TMEM132B: variants seen among roughly 807,000 people sequenced by gnomAD.
TMEM132B encodes the protein transmembrane protein 132B.
TMEM132B carries 18 observed loss-of-function variants against 90.8 expected under a neutral mutation model. The observed-to-expected ratio is 0.20, with a 90% CI of 0.14 to 0.29. The LOEUF is 0.29. TMEM132B is among the 10% of genes least tolerant of loss of function. The pLI, the probability that TMEM132B is intolerant of heterozygous loss-of-function variation, is 1.00. For synonymous variants in TMEM132B, 504 were observed against 523.3 expected, an observed-to-expected ratio of 0.96 and a Z score of 0.50; for missense variants, 1,096 against 1,326.8, an observed-to-expected ratio of 0.83 and a Z score of 2.70.
At chr12:125,389,532 A>C (rs1228910999) in intron 2 of TMEM132B, among the ~76,000 whole-genome samples, 1 of 152,132 alleles carries the variant, frequency 6.6e-6, no homozygotes, top group Non-Finnish European at 1.5e-5. Context: ...GATCTTGGGA[A>C]AATTACCTAA....
chr12:125,468,580 G>A (rs1881631475), intron 3 of TMEM132B, among the ~76,000 whole-genome samples: 1 of 152,098 alleles, frequency 6.6e-6, no homozygotes, highest in East Asian at 1.9e-4. Flanking sequence ...AATACGTGAG[G>A]GCTTATTTCT....
intron 1 of TMEM132B, among the ~76,000 whole-genome samples, chr12:125,322,136 C>T (rs548710293): frequency 5.9e-4 from 90 of 152,314 alleles, no homozygotes; most frequent in African/African-American, 2.0e-3. Context: ...CCCCACGTGT[C>T]GTGGGAGGGA....
intron 4 of TMEM132B, among the ~76,000 whole-genome samples, chr12:125,574,366 T>C (rs1364345752): frequency 6.6e-6 from 1 of 152,194 alleles, no homozygotes; most frequent in Non-Finnish European, 1.5e-5. Context: ...TGTTCTCTTT[T>C]GCCTTTGTAT....
At chr12:125,591,675 C>G (rs1476528254) in intron 5 of TMEM132B, among the ~76,000 whole-genome samples, 1 of 152,148 alleles carries the variant, frequency 6.6e-6, no homozygotes, top group African/African-American at 2.4e-5. Flanking sequence ...GACTCCAGTC[C>G]CTCTAAAGGC....
intron 3 of TMEM132B, among the ~76,000 whole-genome samples, chr12:125,503,320 A>G (rs560445585): frequency 6.6e-6 from 1 of 152,276 alleles, no homozygotes; most frequent in Admixed American, 6.5e-5. Flanking sequence ...AAGGTCAGTT[A>G]GCCTGATGGC....
At chr12:125,517,051 A>G (rs1235047344) in intron 3 of TMEM132B, among the ~76,000 whole-genome samples, 4 of 152,200 alleles carry the variant, frequency 2.6e-5, no homozygotes, top group Non-Finnish European at 4.4e-5. Context: ...GCCTTTCACT[A>G]AAGATACCCA....
intron 2 of TMEM132B, among the ~76,000 whole-genome samples, chr12:125,401,250 G>T (rs1177350376): frequency 6.6e-6 from 1 of 152,134 alleles, no homozygotes; most frequent in Admixed American, 6.6e-5. Flanking sequence ...CCTCCCATTT[G>T]CCAGGCATGG....
At chr12:125,199,260 A>G (rs1379793045) in intron 1 of TMEM132B, among the ~76,000 whole-genome samples, 1 of 152,218 alleles carries the variant, frequency 6.6e-6, no homozygotes, top group African/African-American at 2.4e-5. Context: ...ACTGACCTCA[A>G]TGAGGGAATG....
At chr12:125,493,642 C>G (rs1423456743) in intron 3 of TMEM132B, among the ~76,000 whole-genome samples, 1 of 152,100 alleles carries the variant, frequency 6.6e-6, no homozygotes, top group Non-Finnish European at 1.5e-5. Flanking sequence ...TCTGGCTGGG[C>G]GCTGCCAGTG....
chr12:125,276,992 G>A (rs1344037254), intron 1 of TMEM132B, among the ~76,000 whole-genome samples: 2 of 152,188 alleles, frequency 1.3e-5, no homozygotes, highest in Non-Finnish European at 1.5e-5. Flanking sequence ...TAGAGGTTGC[G>A]AGTCAGAAGG....
chr12:125,496,871 A>G (rs1882575858), intron 3 of TMEM132B, among the ~76,000 whole-genome samples: 1 of 152,162 alleles, frequency 6.6e-6, no homozygotes, highest in Non-Finnish European at 1.5e-5. Context: ...GAACGGTATC[A>G]TTGATTAGGT....
chr12:125,632,509 T>C (rs1235733226), intron 5 of TMEM132B, among the ~76,000 whole-genome samples: 1 of 152,200 alleles, frequency 6.6e-6, no homozygotes, highest in Admixed American at 6.5e-5. Context: ...GGTGATTACT[T>C]ATTGCTCATT....
intron 4 of TMEM132B, among the ~76,000 whole-genome samples, chr12:125,546,543 C>T (rs1884099120): frequency 6.6e-6 from 1 of 152,182 alleles, no homozygotes; most frequent in Non-Finnish European, 1.5e-5. Flanking sequence ...TAAATGGAAT[C>T]ATATTGTATG....
At chr12:125,562,146 A>G (rs745906074) in intron 4 of TMEM132B, among the ~76,000 whole-genome samples, 1 of 152,242 alleles carries the variant, frequency 6.6e-6, no homozygotes, top group Non-Finnish European at 1.5e-5. Flanking sequence ...TTTATGTTAC[A>G]AAGACAGTTT....
At chr12:125,435,785 G>A (rs1054731278) in intron 3 of TMEM132B, among the ~76,000 whole-genome samples, 2 of 152,162 alleles carry the variant, frequency 1.3e-5, no homozygotes, top group Non-Finnish European at 2.9e-5. Flanking sequence ...GTGAAGAGGT[G>A]CTGGACTGGA....
At chr12:125,598,362 A>G (rs1056423386) in intron 5 of TMEM132B, among the ~76,000 whole-genome samples, 1 of 152,202 alleles carries the variant, frequency 6.6e-6, no homozygotes, top group African/African-American at 2.4e-5. Flanking sequence ...TGAAAAATTA[A>G]CCTGCCCCAA....
intron 1 of TMEM132B, among the ~76,000 whole-genome samples, chr12:125,309,464 C>G (rs1052028722): frequency 6.6e-6 from 1 of 152,046 alleles, no homozygotes; most frequent in African/African-American, 2.4e-5. Flanking sequence ...ATCTGATGTT[C>G]TCATTCATTT....
chr12:125,503,468 C>T (rs1415849524), intron 3 of TMEM132B, among the ~76,000 whole-genome samples: 2 of 152,204 alleles, frequency 1.3e-5, no homozygotes, highest in Non-Finnish European at 2.9e-5. Flanking sequence ...TGACTCACCG[C>T]TGGATCTCAT....
At chr12:125,454,767 C>G (rs1881247401) in intron 3 of TMEM132B, among the ~76,000 whole-genome samples, 2 of 152,180 alleles carry the variant, frequency 1.3e-5, no homozygotes, top group Admixed American at 1.3e-4. Context: ...CTGTTTTTCT[C>G]TTTAACAAGT....
Sources: gnomAD v4.1 joint callset for allele counts (sites outside exome capture counted in the v4.1 genomes callset) on GRCh38, gnomAD v4.1.1 for gene constraint, MANE v1.5 for transcripts, NCBI Gene and HGNC (gene_info 2026-07-23, HGNC 2026-07-21) for gene names.